MAGI3: variants seen among roughly 807,000 people sequenced by gnomAD.
MAGI3 encodes membrane associated guanylate kinase, WW and PDZ domain containing 3, also known as membrane-associated guanylate kinase, WW and PDZ domain-containing protein 3.
A neutral mutation model predicts 121.8 loss-of-function variants in MAGI3; 43 were observed. The ratio of observed to expected loss-of-function variants is 0.35; its 90% CI spans 0.28 to 0.46. MAGI3 has a LOEUF of 0.46. Ranked by LOEUF, MAGI3 falls within the 20% of genes least tolerant of loss-of-function variation. MAGI3 has a pLI of 1.00. For synonymous variants in MAGI3, 553 were observed against 639.3 expected, an observed-to-expected ratio of 0.86 and a Z score of 2.04; for missense variants, 1,547 against 1,797.3, an observed-to-expected ratio of 0.86 and a Z score of 2.52.
chr1:113,454,644 T>C (rs1654655770), intron 1 of MAGI3, among the ~76,000 whole-genome samples: 7 of 152,084 alleles, frequency 4.6e-5, no homozygotes, highest in Admixed American at 4.6e-4. Context: ...ATCCCTCCCC[T>C]AGCCCCCCAT....
chr1:113,587,006 A>G (rs573430787), intron 4 of MAGI3, among the ~76,000 whole-genome samples: 6 of 152,304 alleles, frequency 3.9e-5, no homozygotes, highest in South Asian at 2.1e-4. Context: ...TATAGATACC[A>G]TAGGACACTT....
intron 8 of MAGI3, among the ~76,000 whole-genome samples, chr1:113,622,524 T>C (rs897713510): frequency 3.9e-5 from 6 of 152,174 alleles, no homozygotes; most frequent in South Asian, 2.1e-4. Context: ...TTGTGACACT[T>C]GACTTCATCT....
At chr1:113,584,895 T>C (rs1003526745) in intron 3 of MAGI3, among the ~76,000 whole-genome samples, 2 of 151,958 alleles carry the variant, frequency 1.3e-5, no homozygotes, top group Non-Finnish European at 2.9e-5. Context: ...TTTCCCCTAT[T>C]TCTGCTCTCT....
At chr1:113,542,149 C>G (rs963526472) in intron 1 of MAGI3, among the ~76,000 whole-genome samples, 3 of 152,104 alleles carry the variant, frequency 2.0e-5, no homozygotes, top group Admixed American at 2.0e-4. Flanking sequence ...CCAAGACCCC[C>G]CAGTGGATGC....
intron 1 of MAGI3, among the ~76,000 whole-genome samples, chr1:113,517,784 C>T (rs1456322175): frequency 6.6e-6 from 1 of 151,904 alleles, no homozygotes; most frequent in Non-Finnish European, 1.5e-5. Flanking sequence ...GTCAAATTCA[C>T]TAGATTTGAG....
chr1:113,533,792 T>C (rs1005607414), intron 1 of MAGI3, among the ~76,000 whole-genome samples: 3 of 151,432 alleles, frequency 2.0e-5, no homozygotes, highest in Non-Finnish European at 4.4e-5. Flanking sequence ...TTTCTTTTTT[T>C]TTTTTTTTGG....
At position 113,450,672 on chromosome 1, in the gene MAGI3, C is replaced by G. The variant is rs968970341; in HGVS notation, c.316+59323C>G. 4 of 1,053,810 alleles carry G rather than the reference C, an allele frequency of 3.8e-6. No homozygotes were observed. The African/African-American group carries it at 6.2e-5, about 16-fold the overall frequency. 65.3% of individuals were successfully genotyped at this position (1,053,810 alleles called of 1,614,324 possible). A position where few individuals can be genotyped will look rare whatever the true frequency, so the allele number is the denominator to read the frequency against. ...TCTGGTGGAAGAAGCTCGGGCAGTCCCTATGGTGGTGGTTATGGATCTGGT... is the reference window on the plus strand; with the variant it reads ...TCTGGTGGAAGAAGCTCGGGCAGTCGCTATGGTGGTGGTTATGGATCTGGT... On this transcript the variant is annotated intron_variant, in intron 1 of 20. Transcript: ENST00000307546.
intron 16 of MAGI3, among the ~76,000 whole-genome samples, chr1:113,670,461 T>A (rs187981119): frequency 6.6e-6 from 1 of 152,242 alleles, no homozygotes; most frequent in Non-Finnish European, 1.5e-5. Context: ...TTATCTCTTA[T>A]CTTTAACATG....
At chr1:113,427,158 A>T (rs1478984860) in intron 1 of MAGI3, among the ~76,000 whole-genome samples, 2 of 152,180 alleles carry the variant, frequency 1.3e-5, no homozygotes, top group African/African-American at 2.4e-5. Context: ...AGTTTATCTG[A>T]TACCACTGGG....
intron 4 of MAGI3, among the ~76,000 whole-genome samples, chr1:113,589,534 T>C (rs1054169459): frequency 4.6e-5 from 7 of 151,984 alleles, no homozygotes; most frequent in African/African-American, 1.2e-4. Flanking sequence ...CATCATGGAA[T>C]TTAAGTTGGG....
At chr1:113,397,078 T>C (rs1651152796) in intron 1 of MAGI3, among the ~76,000 whole-genome samples, 2 of 152,186 alleles carry the variant, frequency 1.3e-5, no homozygotes, top group Non-Finnish European at 2.9e-5. Context: ...AAATACTATA[T>C]TGTACTGTTT....
At chr1:113,662,490 CTTG>C (rs1258530535) in intron 16 of MAGI3, among the ~76,000 whole-genome samples, 1 of 151,988 alleles carries the variant, frequency 6.6e-6, no homozygotes, top group Non-Finnish European at 1.5e-5. Context: ...TTTGTCAGGC[CTTG>C]TTAATTTTAA....
At chr1:113,644,173 G>A (rs541883706) in intron 11 of MAGI3, among the ~76,000 whole-genome samples, 14 of 152,254 alleles carry the variant, frequency 9.2e-5, no homozygotes, top group African/African-American at 3.4e-4. Flanking sequence ...AAGAGAAGAC[G>A]TACTAGTTCA....
intron 1 of MAGI3, among the ~76,000 whole-genome samples, chr1:113,546,536 C>T (rs974836503): frequency 9.2e-5 from 14 of 151,952 alleles, no homozygotes; most frequent in African/African-American, 3.4e-4. Context: ...GGGGTTTAAT[C>T]ATGTTGGCTA....
chr1:113,607,277 G>A (rs562633915), intron 6 of MAGI3, among the ~76,000 whole-genome samples: 3 of 152,092 alleles, frequency 2.0e-5, no homozygotes, highest in Middle Eastern at 6.3e-3. Context: ...TACTGATTCC[G>A]TATGTCGGAT....
chr1:113,589,687 C>T (rs1395444216), intron 4 of MAGI3, among the ~76,000 whole-genome samples: 2 of 152,056 alleles, frequency 1.3e-5, no homozygotes, highest in African/African-American at 4.8e-5. Flanking sequence ...CTGTCAGATT[C>T]TCTGAATCTG....
At chr1:113,486,250 A>G (rs918932696) in intron 1 of MAGI3, among the ~76,000 whole-genome samples, 19 of 152,128 alleles carry the variant, frequency 1.2e-4, no homozygotes, top group South Asian at 4.1e-4. Flanking sequence ...TTGCAATTCC[A>G]GTTTGATATT....
chr1:113,568,758 A>G (rs1278120299), intron 2 of MAGI3, among the ~76,000 whole-genome samples: 2 of 152,002 alleles, frequency 1.3e-5, no homozygotes, highest in Non-Finnish European at 2.9e-5. Context: ...TTAGACTGGT[A>G]CTTCTCACCA....
intron 1 of MAGI3, among the ~76,000 whole-genome samples, chr1:113,503,797 T>C (rs1446091187): frequency 1.3e-5 from 2 of 151,984 alleles, no homozygotes; most frequent in Non-Finnish European, 2.9e-5. Flanking sequence ...AAAATATATG[T>C]GACTGGGAAT....
Sources: gnomAD v4.1 joint callset for allele counts (sites outside exome capture counted in the v4.1 genomes callset) on GRCh38, gnomAD v4.1.1 for gene constraint, MANE v1.5 for transcripts, NCBI Gene and HGNC (gene_info 2026-07-23, HGNC 2026-07-21) for gene names.